TRIM36: variants seen among roughly 807,000 people sequenced by gnomAD.
TRIM36 encodes tripartite motif containing 36.
Under a neutral mutation model 72.4 loss-of-function variants are expected in TRIM36, and 42 were observed. The ratio of observed to expected loss-of-function variants is 0.58; its 90% CI spans 0.45 to 0.75. The LOEUF is 0.75. Among genes scored for constraint, TRIM36 ranks in the 30% least tolerant of loss-of-function variants. The pLI is 0.00. For synonymous variants in TRIM36, 315 were observed against 282.8 expected, an observed-to-expected ratio of 1.11 and a Z score of -1.14; for missense variants, 913 against 857.1, an observed-to-expected ratio of 1.07 and a Z score of -0.81.
At chr5:115,180,087 T>G (rs1315964792) in exon 1 of TRIM36, 1 of 1,562,248 alleles carries the variant, frequency 6.4e-7, no homozygotes, top group Non-Finnish European at 8.8e-7. Context: ...TGTATCGAAT[T>G]TGTCCTTTCT....
In TRIM36 at chr5:115,137,491, T is replaced by A. The variant is rs745759213; in HGVS notation, c.957A>T (p.Lys319Asn). Residue 319 changes from lysine (K) to asparagine (N), a missense_variant, in exon 6 of 10, where the codon AAA (lysine) becomes AAT (asparagine). Lys to Asn is a moderately conservative substitution (Grantham distance 94). Coordinates refer to ENST00000513154, the MANE Select transcript of TRIM36 (RefSeq NM_001300759.2). ...IDSSKKLRLDKFQTQMEEYQG... is the reference protein window; with the variant it reads ...IDSSKKLRLDNFQTQMEEYQG... The stretch of plus-strand genomic sequence containing the variant: ...GGTACTCTTCCATTTGAGTCTGAAA[T>A]TTGTCTAATCTTAGTTTCTTAGAGG... The A allele has an allele frequency of 1.4e-5, 22 of 1,614,174 alleles. No homozygotes were observed. In the Admixed American group the frequency reaches 3.7e-4, roughly 27 times the overall value.
At chr5:115,159,678 C>G in intron 2 of TRIM36, 1 of 451,402 alleles carries the variant, frequency 2.2e-6, no homozygotes, top group Non-Finnish European at 4.4e-6. Flanking sequence ...ATGCTGTGAA[C>G]AATGAACAGA....
chr5:115,177,478 C>A, intron 1 of TRIM36: 1 of 1,195,784 alleles, frequency 8.4e-7, no homozygotes, highest in Non-Finnish European at 1.1e-6. Flanking sequence ...ATTACAAACC[C>A]GAACTACAAA....
chr5:115,148,300 T>A (rs953888341), intron 2 of TRIM36: 25 of 979,504 alleles, frequency 2.6e-5, no homozygotes, highest in Non-Finnish European at 2.8e-5. Context: ...ATCCCAATTT[T>A]AATAAATCAA....
At chr5:115,169,567 A>G (rs993654831) in intron 1 of TRIM36, 41 bp downstream of exon 1, 11 of 1,496,096 alleles carry the variant, frequency 7.4e-6, no homozygotes, top group African/African-American at 1.4e-5. Context: ...CGGTCGGCAC[A>G]CCGCCCTCGA....
At chr5:115,166,412 T>C (rs1282365954) in intron 1 of TRIM36, among the ~76,000 whole-genome samples, 1 of 152,154 alleles carries the variant, frequency 6.6e-6, no homozygotes, top group Non-Finnish European at 1.5e-5. Context: ...CAAAATGACC[T>C]GCCTGCAGAG....
chr5:115,171,003 G>A (rs773911963), upstream of TRIM36: 3 of 1,538,584 alleles, frequency 1.9e-6, no homozygotes, highest in Non-Finnish European at 2.7e-6. Flanking sequence ...CTGCCTTTCT[G>A]GCTAGCTAAA....
chr5:115,158,219 T>A (rs1754288310), intron 2 of TRIM36, among the ~76,000 whole-genome samples: 2 of 152,232 alleles, frequency 1.3e-5, no homozygotes, highest in Admixed American at 1.3e-4. Context: ...AAACTGAATC[T>A]GTGGGGACAA....
chr5:115,168,705 A>C (rs1224489921), intron 1 of TRIM36, among the ~76,000 whole-genome samples: 1 of 152,202 alleles, frequency 6.6e-6, no homozygotes, highest in East Asian at 1.9e-4. Context: ...AAATAAGATA[A>C]CTAAACCTCA....
At chr5:115,141,418 T>C (rs780044546) in intron 4 of TRIM36, 44 bp from the exon 5 acceptor site, 3 of 1,428,108 alleles carry the variant, frequency 2.1e-6, no homozygotes, top group South Asian at 1.3e-5. Context: ...AACGGGAGTT[T>C]AGCAAAGACT....
chr5:115,159,611 C>T lies in TRIM36; in HGVS notation c.262+3907G>A, dbSNP rs146463576. ...TTTAAATCTAACACTATATTGCCTG[C>T]GGCCACAAAAGCAATAAAACATTTT... On this transcript the variant is annotated intron_variant, in intron 2 of 9. Transcript: ENST00000513154. 2.1e-3 allele frequency: 928 copies of T among 451,278 alleles called. 6 individuals are homozygous for T. Among genetic ancestry groups the T allele is most frequent in the African/African-American group, 0.017 (856 of 49,852 alleles). 28.0% of individuals were successfully genotyped at this position (451,278 alleles called of 1,614,324 possible).
At chr5:115,173,396 C>A (rs537874389), upstream of TRIM36, among the ~76,000 whole-genome samples, 86 of 152,228 alleles carry the variant, frequency 5.6e-4, no homozygotes, top group Admixed American at 6.5e-4. Context: ...GATGATTTTC[C>A]ATATGTGTAG....
intron 1 of TRIM36, among the ~76,000 whole-genome samples, chr5:115,166,138 C>T (rs1039826806): frequency 6.6e-6 from 1 of 152,158 alleles, no homozygotes; most frequent in Non-Finnish European, 1.5e-5. Context: ...AGGGACAGGT[C>T]CCTGCTGAAA....
chr5:115,156,590 G>A (rs888245031), intron 2 of TRIM36, among the ~76,000 whole-genome samples: 25 of 152,172 alleles, frequency 1.6e-4, no homozygotes, highest in Admixed American at 2.0e-4. Context: ...TCAAGAAATG[G>A]TGCTGGGATA....
At chr5:115,157,105 C>G (rs1250444090) in intron 2 of TRIM36, among the ~76,000 whole-genome samples, 1 of 151,440 alleles carries the variant, frequency 6.6e-6, no homozygotes, top group Non-Finnish European at 1.5e-5. Context: ...AAATCAAAAC[C>G]ACAATGTGAT....
At chr5:115,177,788 A>C (rs1378059047) in intron 1 of TRIM36, 1 of 1,614,034 alleles carries the variant, frequency 6.2e-7, no homozygotes, top group African/African-American at 1.3e-5. Context: ...CCAACCTCAG[A>C]GATTTCAAAG....
At chr5:115,172,436 G>C (rs1755157119), upstream of TRIM36, among the ~76,000 whole-genome samples, 3 of 152,158 alleles carry the variant, frequency 2.0e-5, no homozygotes, top group South Asian at 6.2e-4. Flanking sequence ...GTACTGATGA[G>C]AAAGGATTTC....
At position 115,177,596 on chromosome 5, in the gene TRIM36, G is replaced by A. The variant is rs1414911235; in HGVS notation, c.63+2379C>T. Reference sequence around the variant, plus strand: ...TCCTGTATAATCACACACAAAACAGGGGTCTTAAATGGGCTAGTGCTGGGG... The same window carrying A: ...TCCTGTATAATCACACACAAAACAGAGGTCTTAAATGGGCTAGTGCTGGGG... On this transcript the variant is annotated intron_variant, in intron 1 of 9. Transcript: ENST00000282369. 5 of 1,460,442 alleles carry A rather than the reference G, an allele frequency of 3.4e-6. No homozygotes were observed. In the South Asian group the frequency reaches 5.7e-5, roughly 17 times the overall value. 90.5% of individuals were successfully genotyped at this position (1,460,442 alleles called of 1,614,324 possible).
chr5:115,169,444 C>A (rs1170384053), intron 1 of TRIM36, among the ~76,000 whole-genome samples, 164 bp downstream of exon 1: 16 of 152,238 alleles, frequency 1.1e-4, no homozygotes, highest in Admixed American at 1.0e-3. Flanking sequence ...GATTGCGGAA[C>A]CTAGCCCCGG....
Sources: allele counts gnomAD v4.1 joint callset (sites outside exome capture counted in the v4.1 genomes callset), GRCh38; gene constraint gnomAD v4.1.1; transcripts MANE v1.5; gene names NCBI Gene and HGNC (gene_info 2026-07-23, HGNC 2026-07-21).